Variants in NAV1 observed in about 807,000 individuals in gnomAD.
NAV1 encodes the protein pore membrane and/or filament interacting like protein 3.
Under a neutral mutation model 175.2 loss-of-function variants are expected in NAV1, and 18 were observed. The observed-to-expected ratio is 0.10, with a 90% CI of 0.07 to 0.15. The LOEUF is 0.15. NAV1 is among the 10% of genes least tolerant of loss of function. The pLI is 1.00. For synonymous variants in NAV1, 897 were observed against 978.7 expected, an observed-to-expected ratio of 0.92 and a Z score of 1.56; for missense variants, 1,731 against 2,436.6, an observed-to-expected ratio of 0.71 and a Z score of 6.10.
chr1:201,559,446 A>G (rs1394468291), intron 1 of NAV1, among the ~76,000 whole-genome samples: 5 of 151,900 alleles, frequency 3.3e-5, no homozygotes, highest in Admixed American at 6.6e-5. Context: ...AGGTTGGGGG[A>G]GGCTGAGGGT....
chr1:201,658,509 T>G (rs143796205), intron 1 of NAV1, among the ~76,000 whole-genome samples: 2 of 152,078 alleles, frequency 1.3e-5, no homozygotes, highest in East Asian at 3.9e-4. Context: ...ACTGTGGGCT[T>G]AATGGCAGGT....
intron 2 of NAV1, among the ~76,000 whole-genome samples, chr1:201,614,942 T>C (rs528664643): frequency 3.3e-5 from 5 of 152,236 alleles, no homozygotes; most frequent in Non-Finnish European, 7.3e-5. Flanking sequence ...GAACAGTGTC[T>C]GACAGGCAGT....
chr1:201,642,513 C>CT (rs1274382978), intron 2 of NAV1, among the ~76,000 whole-genome samples: 1 of 107,294 alleles, frequency 9.3e-6, no homozygotes, highest in Non-Finnish European at 1.9e-5. Context: ...CACCCGGCCT[C>CT]TTTCTTTCTT....
chr1:201,728,204 C>G (rs1475414305), intron 3 of NAV1, among the ~76,000 whole-genome samples: 2 of 152,064 alleles, frequency 1.3e-5, no homozygotes, highest in Non-Finnish European at 2.9e-5. Context: ...TCGTGGCAGC[C>G]TCTACCTCCT....
At position 201,685,251 on chromosome 1, in the gene NAV1, CA is replaced by C. The variant is rs202097705; in HGVS notation, c.758-27558del. On this transcript the variant is annotated intron_variant, in intron 1 of 29. Coordinates refer to ENST00000367296, the Ensembl canonical transcript of NAV1. ...GTGAGACTCTGTCTCAAAAACAAAA[CA>C]AAAAAAACCTGGTTATTCTGAATCA... 1.1e-4 allele frequency among the ~76,000 whole-genome samples: 17 copies of C among 151,974 alleles called. No homozygotes were observed. In the East Asian group the frequency reaches 1.4e-3, roughly 12 times the overall value.
At chr1:201,658,553 A>G (rs1376682684) in intron 1 of NAV1, among the ~76,000 whole-genome samples, 1 of 152,074 alleles carries the variant, frequency 6.6e-6, no homozygotes, top group Non-Finnish European at 1.5e-5. Context: ...GAGAGATGGA[A>G]AAGGTGGTGA....
intron 3 of NAV1, among the ~76,000 whole-genome samples, chr1:201,770,052 C>G (rs1180779302): frequency 1.3e-5 from 2 of 152,214 alleles, no homozygotes; most frequent in Non-Finnish European, 2.9e-5. Context: ...ACCCTTGGCC[C>G]TCTGGCTGCC....
intron 3 of NAV1, among the ~76,000 whole-genome samples, chr1:201,731,579 G>C (rs1672862400): frequency 6.6e-6 from 1 of 152,094 alleles, no homozygotes; most frequent in South Asian, 2.1e-4. Flanking sequence ...TGGGAGACAG[G>C]AACAAAGCTC....
exon 30 of NAV1, chr1:201,825,002 C>T (rs1204027713): frequency 6.6e-6 from 1 of 152,066 alleles, no homozygotes; most frequent in East Asian, 1.9e-4. Context: ...GCTTTGGGGC[C>T]CAAAATAAGA....
chr1:201,662,633 T>C (rs1317695126), intron 1 of NAV1, among the ~76,000 whole-genome samples: 2 of 152,160 alleles, frequency 1.3e-5, no homozygotes, highest in East Asian at 1.9e-4. Flanking sequence ...GGGGGGTAAT[T>C]ATATGGATTA....
At chr1:201,620,527 C>T (rs183849127), upstream of NAV1, among the ~76,000 whole-genome samples, 24 of 140,064 alleles carry the variant, frequency 1.7e-4, no homozygotes, top group East Asian at 2.5e-3. Context: ...GGCGCAATCT[C>T]GGTGCACTGC....
chr1:201,622,877 TG>T, upstream of NAV1: 1 of 986,050 alleles, frequency 1.0e-6, no homozygotes, highest in Admixed American at 6.1e-5. Flanking sequence ...CTTCCAGCCT[TG>T]CAGACCATGA....
intron 2 of NAV1, among the ~76,000 whole-genome samples, chr1:201,607,854 T>C (rs1667729329): frequency 6.7e-6 from 1 of 149,012 alleles, no homozygotes; most frequent in South Asian, 2.1e-4. Context: ...AAATATATAG[T>C]ATAATGATAA....
chr1:201,649,585 C>G (rs934851542), intron 1 of NAV1, among the ~76,000 whole-genome samples, 160 bp downstream of exon 5: 2 of 152,224 alleles, frequency 1.3e-5, no homozygotes, highest in African/African-American at 4.8e-5. Context: ...ATGTGCTGAG[C>G]TGGCCCACCT....
At chr1:201,605,386 T>G (rs1667646609) in intron 2 of NAV1, among the ~76,000 whole-genome samples, 1 of 151,880 alleles carries the variant, frequency 6.6e-6, no homozygotes, top group Non-Finnish European at 1.5e-5. Flanking sequence ...TAGCAGGAGG[T>G]GATGAGACCC....
intron 1 of NAV1, among the ~76,000 whole-genome samples, chr1:201,660,687 GCACT>G (rs1669574385): frequency 6.6e-6 from 1 of 152,246 alleles, no homozygotes; most frequent in South Asian, 2.1e-4. Flanking sequence ...CATTTATTGA[GCACT>G]CACTGTTTGC....
chr1:201,796,453 G>A (rs966616300), intron 15 of NAV1: 1 of 152,258 alleles, frequency 6.6e-6, no homozygotes, highest in Non-Finnish European at 1.5e-5. Flanking sequence ...CTCCTGAGAA[G>A]CTGGGATTAC....
At chr1:201,629,295 C>T (rs767686300) in intron 1 of NAV1, 109 bp from the exon 4 acceptor site, 74 of 667,840 alleles carry the variant, frequency 1.1e-4, no homozygotes, top group Non-Finnish European at 1.6e-4. Context: ...GTGCAGGGCA[C>T]TATCAGAGAA....
At chr1:201,563,864 G>A (rs1267307303) in intron 1 of NAV1, among the ~76,000 whole-genome samples, 1 of 152,126 alleles carries the variant, frequency 6.6e-6, no homozygotes, top group Non-Finnish European at 1.5e-5. Flanking sequence ...TGAGGCCAAG[G>A]CAGGAGAATC....
Sources: allele counts gnomAD v4.1 joint callset (sites outside exome capture counted in the v4.1 genomes callset), GRCh38; gene constraint gnomAD v4.1.1; transcripts MANE v1.5; gene names NCBI Gene and HGNC (gene_info 2026-07-23, HGNC 2026-07-21).